Variants in ZSCAN4 observed in about 807,000 individuals in gnomAD.
The protein encoded by ZSCAN4 is zinc finger and SCAN domain-containing protein 4.
Under a neutral mutation model 18.3 loss-of-function variants are expected in ZSCAN4, and 18 were observed. The observed-to-expected ratio is 0.98, with a 90% CI of 0.68 to 1.46. ZSCAN4 has a LOEUF of 1.46. Ranked by LOEUF, ZSCAN4 falls within the 40% of genes most tolerant of loss-of-function variation. ZSCAN4 has a pLI of 0.00. For synonymous variants in ZSCAN4, 193 were observed against 180.3 expected, an observed-to-expected ratio of 1.07 and a Z score of -0.57; for missense variants, 498 against 511.4, an observed-to-expected ratio of 0.97 and a Z score of 0.25.
chr19:57,671,618 A>T (rs1984025878), intron 2 of ZSCAN4, among the ~76,000 whole-genome samples: 1 of 152,126 alleles, frequency 6.6e-6, no homozygotes, highest in African/African-American at 2.4e-5. Context: ...TAGGACAAGG[A>T]CTCAGTGCTT....
exon 5 of ZSCAN4, chr19:57,678,926 TATAA>T: frequency 6.5e-7 from 1 of 1,546,124 alleles, no homozygotes; most frequent in Non-Finnish European, 8.7e-7. Flanking sequence ...TGATAATGTG[TATAA>T]ATATGTATGC....
At position 57,678,539 on chromosome 19, in the gene ZSCAN4, C is replaced by A; in HGVS notation, c.936C>A (p.Tyr312Ter). The A allele has an allele frequency of 6.2e-7, 1 of 1,614,112 alleles. No homozygotes were observed. Among genetic ancestry groups the A allele is most frequent in the Non-Finnish European group, 8.5e-7 (1 of 1,180,020 alleles). Residue 312 changes from tyrosine to a stop codon, truncating the protein, a stop_gained, in exon 5 of 5, where the codon TAC becomes TAA. Coordinates refer to ENST00000318203, the Ensembl canonical transcript of ZSCAN4. LOFTEE classifies it low-confidence loss of function (END_TRUNC). ...GATCCCATGGAGTCCAAAAATCATA[C>A]AAATGTGAAGAATGCCCCAAGGTCT...
intron 2 of ZSCAN4, among the ~76,000 whole-genome samples, chr19:57,675,511 A>C (rs1368193761): frequency 2.0e-5 from 3 of 152,076 alleles, no homozygotes; most frequent in Admixed American, 6.6e-5. Context: ...CGAACTCCTG[A>C]CCTCAAGTGA....
chr19:57,678,806 T>C, exon 5 of ZSCAN4: 3 of 1,614,144 alleles, frequency 1.9e-6, no homozygotes, highest in Non-Finnish European at 2.5e-6. Context: ...GTCCCTTTTG[T>C]AAGACAAGCT....
chr19:57,677,995 C>A (rs772264449), exon 4 of ZSCAN4: 9 of 1,602,490 alleles, frequency 5.6e-6, no homozygotes, highest in Non-Finnish European at 6.8e-6. Flanking sequence ...TCTCACAAAA[C>A]AAGTGAATGC....
chr19:57,666,740 G>A (rs1264645687), upstream of ZSCAN4, among the ~76,000 whole-genome samples: 2 of 152,026 alleles, frequency 1.3e-5, no homozygotes, highest in Admixed American at 6.6e-5. Context: ...AAAATTAGCC[G>A]GGTGTGGTGG....
At chr19:57,661,909 C>T in the ZSCAN4 span, among the ~76,000 whole-genome samples, 184 of 151,754 alleles carry the variant, frequency 1.2e-3, no homozygotes, top group Admixed American at 4.3e-3. Context: ...TGATAAAACC[C>T]GTCTCTACTA....
chr19:57,656,380 T>C, the ZSCAN4 span, among the ~76,000 whole-genome samples: 5 of 152,270 alleles, frequency 3.3e-5, no homozygotes, highest in East Asian at 9.7e-4. Context: ...TGACACAAAC[T>C]CATCCTGCCC....
exon 3 of ZSCAN4, chr19:57,676,475 A>T: frequency 6.2e-7 from 1 of 1,614,220 alleles, no homozygotes; most frequent in Non-Finnish European, 8.5e-7. Flanking sequence ...AATGGAAATC[A>T]AGTGGCAAAA....
chr19:57,676,401 C>T (rs748468774), exon 3 of ZSCAN4: 1 of 1,614,198 alleles, frequency 6.2e-7, no homozygotes, highest in Admixed American at 1.7e-5. Flanking sequence ...AATTATTTCT[C>T]TATTAGTCCT....
chr19:57,660,726 A>G, the ZSCAN4 span, among the ~76,000 whole-genome samples: 2 of 152,142 alleles, frequency 1.3e-5, no homozygotes, highest in African/African-American at 4.8e-5. Context: ...TCTATCCTCA[A>G]AGTTTCTGAA....
chr19:57,670,678 GT>G (rs1320881760), intron 2 of ZSCAN4, 111 bp downstream of exon 2: 1 of 152,190 alleles, frequency 6.6e-6, no homozygotes, highest in Non-Finnish European at 1.5e-5. Context: ...ACATGTGTAT[GT>G]AGGCATAGCT....
At chr19:57,654,847 C>G in the ZSCAN4 span, among the ~76,000 whole-genome samples, 1 of 152,162 alleles carries the variant, frequency 6.6e-6, no homozygotes. Context: ...GGACTATATT[C>G]CCACAGGGGG....
At chr19:57,659,213 A>G in the ZSCAN4 span, among the ~76,000 whole-genome samples, 2 of 152,140 alleles carry the variant, frequency 1.3e-5, no homozygotes, top group African/African-American at 2.4e-5. Flanking sequence ...ATCCTGCTCT[A>G]TAGGACCCAT....
At chr19:57,673,681 A>C (rs976491685) in intron 2 of ZSCAN4, among the ~76,000 whole-genome samples, 1 of 151,892 alleles carries the variant, frequency 6.6e-6, no homozygotes, top group African/African-American at 2.4e-5. Flanking sequence ...CATATGCCCC[A>C]CCCCATGCCC....
intron 1 of ZSCAN4, among the ~76,000 whole-genome samples, chr19:57,669,413 T>A (rs1983949358): frequency 8.6e-6 from 1 of 116,040 alleles, no homozygotes; most frequent in Non-Finnish European, 2.0e-5. Context: ...GCAGATTTTG[T>A]ATTTTTGTGT....
the ZSCAN4 span, among the ~76,000 whole-genome samples, chr19:57,653,596 T>A: frequency 6.6e-6 from 1 of 152,060 alleles, no homozygotes; most frequent in Admixed American, 6.6e-5. Flanking sequence ...AGAGACTTAA[T>A]CAAAGTGGCC....
upstream of ZSCAN4, chr19:57,664,618 A>C (rs1299180733): frequency 5.5e-6 from 1 of 182,718 alleles, no homozygotes; most frequent in Non-Finnish European, 1.2e-5. Context: ...ATCTGACTCC[A>C]GGGCTGGCAG....
chr19:57,666,923 T>G (rs149843158), upstream of ZSCAN4, among the ~76,000 whole-genome samples: 7 of 152,298 alleles, frequency 4.6e-5, no homozygotes, highest in East Asian at 1.4e-3. Context: ...TTATTCTAAT[T>G]GAAATCACTG....
Sources: gnomAD v4.1 joint callset for allele counts (sites outside exome capture counted in the v4.1 genomes callset) on GRCh38, gnomAD v4.1.1 for gene constraint, MANE v1.5 for transcripts, NCBI Gene and HGNC (gene_info 2026-07-23, HGNC 2026-07-21) for gene names.